The following ROBO1 variants were observed in gnomAD, a reference collection of about 807,000 sequenced individuals.
ROBO1 encodes the protein roundabout guidance receptor 1.
A neutral mutation model predicts 195.9 loss-of-function variants in ROBO1; 149 were observed. That is an observed-to-expected ratio of 0.76 (90% CI 0.67 to 0.87). ROBO1 has a LOEUF of 0.87. ROBO1 is among the 40% of genes least tolerant of loss of function. The pLI is 0.00. For missense variants in ROBO1, 1,933 were observed against 2,068.3 expected (o/e 0.93, Z 1.27); for synonymous variants, 816 against 733.2 (o/e 1.11, Z -1.82).
intron 4 of ROBO1, among the ~76,000 whole-genome samples, chr3:78,750,149 T>C (rs528018353): frequency 6.6e-6 from 1 of 152,248 alleles, no homozygotes; most frequent in South Asian, 2.1e-4. Flanking sequence ...AGAAGGTTTT[T>C]TCTTTAAAAA....
intron 1 of ROBO1, among the ~76,000 whole-genome samples, chr3:79,625,306 A>T (rs1436272255): frequency 6.6e-6 from 1 of 151,674 alleles, no homozygotes; most frequent in Non-Finnish European, 1.5e-5. Context: ...AGGCAATAAC[A>T]AACTAATCCA....
At chr3:79,026,627 G>T (rs2108290764) in intron 3 of ROBO1, among the ~76,000 whole-genome samples, 1 of 152,026 alleles carries the variant, frequency 6.6e-6, no homozygotes, top group Non-Finnish European at 1.5e-5. Flanking sequence ...AAGGATATTG[G>T]GAAACATAAA....
chr3:79,404,389 C>A (rs2037469691), intron 2 of ROBO1, among the ~76,000 whole-genome samples: 1 of 152,084 alleles, frequency 6.6e-6, no homozygotes, highest in South Asian at 2.1e-4. Context: ...TATATTAACA[C>A]AACTATATCC....
intron 4 of ROBO1, among the ~76,000 whole-genome samples, chr3:78,818,696 C>T (rs536121362): frequency 1.3e-5 from 2 of 152,188 alleles, no homozygotes; most frequent in Non-Finnish European, 2.9e-5. Context: ...CCGGCACTGA[C>T]GGCGAATGAG....
At chr3:79,445,854 G>T (rs1303304064) in intron 2 of ROBO1, among the ~76,000 whole-genome samples, 4 of 151,946 alleles carry the variant, frequency 2.6e-5, no homozygotes, top group African/African-American at 7.3e-5. Context: ...GTGTTTCACC[G>T]TGTTAGCCAG....
At chr3:79,017,479 G>GTA (rs1413141602) in intron 3 of ROBO1, among the ~76,000 whole-genome samples, 1 of 151,344 alleles carries the variant, frequency 6.6e-6, no homozygotes, top group Non-Finnish European at 1.5e-5. Flanking sequence ...GTGTGTGTGT[G>GTA]TGTGTGTGTG....
intron 1 of ROBO1, among the ~76,000 whole-genome samples, chr3:79,720,790 TA>T (rs906283578): frequency 3.4e-5 from 3 of 88,560 alleles, no homozygotes; most frequent in African/African-American, 1.2e-4. Flanking sequence ...AAGGAGTTGC[TA>T]ATTTTTTTTT....
chr3:78,662,890 T>A (rs1009889217), intron 14 of ROBO1, among the ~76,000 whole-genome samples: 2 of 152,144 alleles, frequency 1.3e-5, no homozygotes, highest in African/African-American at 4.8e-5. Context: ...AATTTTTTTT[T>A]ATAAGCTTCT....
At chr3:79,634,273 G>T (rs1325533993) in intron 1 of ROBO1, among the ~76,000 whole-genome samples, 1 of 152,134 alleles carries the variant, frequency 6.6e-6, no homozygotes, top group Non-Finnish European at 1.5e-5. Flanking sequence ...AAGGGAATTT[G>T]GTTGTCAACG....
At chr3:78,777,740 G>A (rs923272263) in intron 4 of ROBO1, among the ~76,000 whole-genome samples, 3 of 152,050 alleles carry the variant, frequency 2.0e-5, no homozygotes, top group African/African-American at 4.8e-5. Context: ...TGCTTATTGG[G>A]TTAAGGAAAT....
chr3:78,907,302 C>CA (rs1009733584), intron 4 of ROBO1, among the ~76,000 whole-genome samples: 8 of 151,668 alleles, frequency 5.3e-5, no homozygotes, highest in East Asian at 3.9e-4. Context: ...ACAACAACAA[C>CA]AAAAAAAACA....
intron 3 of ROBO1, among the ~76,000 whole-genome samples, chr3:78,979,454 C>T (rs1314690259): frequency 6.6e-6 from 1 of 152,096 alleles, no homozygotes; most frequent in Non-Finnish European, 1.5e-5. Flanking sequence ...AATTTACAGT[C>T]CCTTTAAGGA....
At chr3:79,640,493 C>A (rs1463885254) in intron 1 of ROBO1, among the ~76,000 whole-genome samples, 2 of 152,016 alleles carry the variant, frequency 1.3e-5, no homozygotes, top group African/African-American at 4.8e-5. Flanking sequence ...TAATACACTG[C>A]CCATGAATTT....
At chr3:78,866,169 T>C (rs1039889214) in intron 4 of ROBO1, among the ~76,000 whole-genome samples, 1 of 152,220 alleles carries the variant, frequency 6.6e-6, no homozygotes, top group African/African-American at 2.4e-5. Context: ...TCAGTCTGCT[T>C]ATAATTAAAT....
chr3:78,619,322 G>C (rs1704313821), intron 26 of ROBO1, among the ~76,000 whole-genome samples: 1 of 151,896 alleles, frequency 6.6e-6, no homozygotes, highest in Non-Finnish European at 1.5e-5. Flanking sequence ...TGGGAGGCTA[G>C]GAGAGATACA....
At chr3:78,829,477 C>G (rs1319096758) in intron 4 of ROBO1, among the ~76,000 whole-genome samples, 3 of 152,100 alleles carry the variant, frequency 2.0e-5, no homozygotes, top group Admixed American at 6.5e-5. Context: ...TGGCCTTGGT[C>G]TTGTACCTTT....
chr3:79,612,406 C>T (rs1264748364), intron 1 of ROBO1, among the ~76,000 whole-genome samples: 3 of 150,316 alleles, frequency 2.0e-5, no homozygotes, highest in Non-Finnish European at 4.4e-5. Context: ...ATATGTGCCA[C>T]ATTTTCTTAA....
At chr3:78,769,818 C>A (rs1288321730) in intron 4 of ROBO1, among the ~76,000 whole-genome samples, 1 of 151,990 alleles carries the variant, frequency 6.6e-6, no homozygotes, top group Non-Finnish European at 1.5e-5. Context: ...ATAACTGTAT[C>A]TTTCCTTCAT....
chr3:78,963,129 A>C (rs998800321), intron 3 of ROBO1, among the ~76,000 whole-genome samples: 1 of 151,726 alleles, frequency 6.6e-6, no homozygotes, highest in Non-Finnish European at 1.5e-5. Context: ...AATGCTGATG[A>C]TAGGAGGGTG....
Sources: allele counts gnomAD v4.1 joint callset (sites outside exome capture counted in the v4.1 genomes callset), GRCh38; gene constraint gnomAD v4.1.1; transcripts MANE v1.5; gene names NCBI Gene and HGNC (gene_info 2026-07-23, HGNC 2026-07-21).